The following CACNA1H variants were observed in gnomAD, a reference collection of about 807,000 sequenced individuals.
CACNA1H encodes calcium voltage-gated channel subunit alpha1 H.
Under a neutral mutation model 192.5 loss-of-function variants are expected in CACNA1H, and 149 were observed. That is an observed-to-expected ratio of 0.77 (90% confidence interval 0.68 to 0.89). CACNA1H has a LOEUF of 0.89. Ranked by LOEUF, CACNA1H falls within the 40% of genes least tolerant of loss-of-function variation. CACNA1H has a pLI of 0.00. For missense variants in CACNA1H, 4,257 were observed against 3,423.5 expected (o/e 1.24, Z -6.08); for synonymous variants, 2,202 against 1,475.2 (o/e 1.49, Z -11.29).
intron 25 of CACNA1H, 127 bp from the exon 26 acceptor site, chr16:1,212,384 A>C: frequency 9.2e-7 from 1 of 1,083,242 alleles, no homozygotes; most frequent in Non-Finnish European, 1.3e-6. Context: ...CAGGTTCCCC[A>C]CCGAGTCCTC....
At chr16:1,213,956 G>A (rs748463877) in intron 27 of CACNA1H, 25 bp downstream of exon 27, 12 of 1,593,250 alleles carry the variant, frequency 7.5e-6, no homozygotes, top group African/African-American at 1.3e-5. Context: ...GCCGCGAGGG[G>A]CCCAGGGGCT....
chr16:1,158,444 A>C (rs1030931138), intron 2 of CACNA1H, among the ~76,000 whole-genome samples: 1 of 151,548 alleles, frequency 6.6e-6, no homozygotes, highest in Non-Finnish European at 1.5e-5. Flanking sequence ...GCCCCCGGGG[A>C]TGATGGCAGG....
At chr16:1,202,585 C>G (rs1057042702) in intron 9 of CACNA1H, 133 bp downstream of exon 9, 28 of 825,860 alleles carry the variant, frequency 3.4e-5, no homozygotes, top group Non-Finnish European at 4.7e-5. Context: ...AACAGACCAG[C>G]TATGCCTCTG....
rs1968120749 is a variant in CACNA1H, at chr16:1,202,695, G to A, written c.2002+243G>A. 2.0e-5 allele frequency among the ~76,000 whole-genome samples: 3 copies of A among 152,182 alleles called. No individual in the cohort carries two copies. In the South Asian group the frequency reaches 6.2e-4, roughly 31 times the overall value. On this transcript the variant is annotated intron_variant, in intron 9 of 34. Coordinates refer to ENST00000348261, the MANE Select transcript of CACNA1H (RefSeq NM_021098.3). ...CATGGCAGGAGTGGTAGCCGCGGAG[G>A]TGGGATTTTGAATCTGACAAGGCTT...
In CACNA1H at chr16:1,220,385, C is replaced by T. The variant is rs1286510807; in HGVS notation, c.6453C>T (p.Asp2151=). 9 of 1,522,704 alleles carry T rather than the reference C, an allele frequency of 5.9e-6. No homozygotes were observed. The highest frequency in any genetic ancestry group is 4.7e-5 in the East Asian group (2 of 42,490). The allele number at this position is 1,522,704 out of a possible 1,614,324, so 94.3% of individuals were successfully genotyped here. The part of the protein sequence containing the change: ...QGFLDKPGRA[D]EQWRPSAELG... ...TCCTGGACAAGCCGGGCCGGGCAGA[C>T]GAGCAGTGGCGGCCCTCGGCGGAGC... The change falls in exon 35 of 35, where the codon GAC becomes GAT. Residue 2151 remains aspartate (D), a synonymous_variant. Coordinates refer to ENST00000348261, the MANE Select transcript of CACNA1H (RefSeq NM_021098.3).
chr16:1,199,954 C>G (rs143231674), intron 6 of CACNA1H, among the ~76,000 whole-genome samples: 2 of 149,984 alleles, frequency 1.3e-5, no homozygotes, highest in African/African-American at 4.8e-5. Context: ...GTTGATTTCT[C>G]TGTCCATCCC....
chr16:1,211,309 C>T lies in CACNA1H; in HGVS notation c.4350+15C>T, dbSNP rs745322715. ...TGGGTGTGCAGGTGTGTGGCCCCCA[C>T]GTGCCCGGGGGTCTGCCCCGTCGCA... is the stretch of plus-strand genomic sequence containing the variant. On this transcript the variant is annotated intron_variant, in intron 22 of 34. Coordinates refer to ENST00000348261, the MANE Select transcript of CACNA1H (RefSeq NM_021098.3). 1.4e-5 allele frequency: 22 copies of T among 1,612,726 alleles called. No individual in the cohort carries two copies. Among genetic ancestry groups the T allele is most frequent in the Admixed American group, 3.3e-5 (2 of 60,010 alleles).
At chr16:1,181,967 C>A (rs943985981) in intron 2 of CACNA1H, among the ~76,000 whole-genome samples, 1 of 152,234 alleles carries the variant, frequency 6.6e-6, no homozygotes. Flanking sequence ...CGCATGCCCC[C>A]TCGCACACGC....
Position 1,208,031 on chromosome 16 carries a change from T to C in CACNA1H, c.3173T>C (p.Leu1058Pro), listed in dbSNP as rs1369723667. The C allele has an allele frequency of 4.4e-6, 7 of 1,606,326 alleles. No individual in the cohort carries two copies. In the Admixed American group the frequency reaches 1.2e-4, roughly 27 times the overall value. The change falls in exon 16 of 35, where the codon CTG becomes CCG. Residue 1058 changes from leucine to proline, a missense_variant. Transcript: ENST00000348261. The stretch of plus-strand genomic sequence containing the variant: ...CCCGCAGAGCTGAAGATGTGTTCCC[T>C]GGCCGTGACCCCCAACGGGCACCTG... ...LQTTELKMCS[L>P]AVTPNGHLEG...
intron 27 of CACNA1H, among the ~76,000 whole-genome samples, chr16:1,214,413 C>T (rs564048207): frequency 2.8e-4 from 43 of 152,214 alleles, no homozygotes; most frequent in East Asian, 5.8e-4. Flanking sequence ...TGTGTGGAGC[C>T]GAGGATGGCC....
Position 1,208,077 on chromosome 16 carries a change from C to G in CACNA1H, c.3219C>G (p.Ser1073=). ...NGHLEGRGSL[S]PPLIMCTAAT... The stretch of plus-strand genomic sequence containing the variant: ...ACCTGGAGGGACGAGGCAGCCTGTC[C>G]CCTCCCCTCATCATGTGCACAGCTG... Residue 1073 remains serine, a synonymous_variant, in exon 16 of 35, where the codon TCC becomes TCG. Coordinates refer to ENST00000348261, the MANE Select transcript of CACNA1H (RefSeq NM_021098.3). The G allele has an allele frequency of 6.2e-7, 1 of 1,601,688 alleles. No individual in the cohort carries two copies. Among genetic ancestry groups the G allele is most frequent in the African/African-American group, 1.3e-5 (1 of 74,708 alleles).
intron 2 of CACNA1H, among the ~76,000 whole-genome samples, chr16:1,190,706 G>C (rs1596368639): frequency 6.6e-6 from 1 of 152,288 alleles, no homozygotes; most frequent in South Asian, 2.1e-4. Context: ...CAGGCACAGG[G>C]GTGGGGTCCT....
chr16:1,203,631 A>G (rs376702583), intron 9 of CACNA1H, among the ~76,000 whole-genome samples: 6 of 152,154 alleles, frequency 3.9e-5, no homozygotes, highest in Admixed American at 6.5e-5. Context: ...CAGGCCTTGC[A>G]GGGTTGCTTC....
chr16:1,165,150 C>T (rs985128839), intron 2 of CACNA1H, among the ~76,000 whole-genome samples: 2 of 151,944 alleles, frequency 1.3e-5, no homozygotes, highest in African/African-American at 2.4e-5. Flanking sequence ...GGTGGGGGTG[C>T]GGCAGGCACC....
In CACNA1H at chr16:1,219,251, C is replaced by T. The variant is rs1161889027; in HGVS notation, c.6048+121C>T. On this transcript the variant is annotated intron_variant, in intron 34 of 34. Coordinates refer to ENST00000348261, the MANE Select transcript of CACNA1H (RefSeq NM_021098.3). The stretch of plus-strand genomic sequence containing the variant: ...GGCAGGAGGAGGGTCGCACTGGGTC[C>T]TTGGGGCTCCGAAGGTTTCTGCCTG... 1.6e-5 allele frequency: 16 copies of T among 983,432 alleles called. No individual in the cohort carries two copies. In the African/African-American group the frequency reaches 2.3e-4, roughly 14 times the overall value. The allele number at this position is 983,432 out of a possible 1,614,324, so 60.9% of individuals were successfully genotyped here.
chr16:1,193,232 C>T (rs1446305217), intron 2 of CACNA1H, among the ~76,000 whole-genome samples: 2 of 152,250 alleles, frequency 1.3e-5, no homozygotes, highest in South Asian at 2.1e-4. Flanking sequence ...CAAAGACAGT[C>T]CCCAGCCACC....
chr16:1,219,212 G>C, intron 34 of CACNA1H, 82 bp downstream of exon 34: 1 of 1,345,438 alleles, frequency 7.4e-7, no homozygotes, highest in Non-Finnish European at 9.9e-7. Context: ...TGAAGGACCA[G>C]CAGACGAGGA....
In CACNA1H at chr16:1,198,534, CGGG is replaced by C. The variant is rs963218120; in HGVS notation, c.644-78_644-76del. On this transcript the variant is annotated intron_variant, in intron 5 of 34. Transcript: ENST00000348261. ...CCCACTGTGAACAGTGGACGGGGCT[CGGG>C]GGTCCCGGGAGGGGCTGCAGCCCCG... 4 of 1,505,888 alleles carry C rather than the reference CGGG, an allele frequency of 2.7e-6. No individual in the cohort carries two copies. In the African/African-American group the frequency reaches 5.5e-5, roughly 21 times the overall value. 93.3% of individuals were successfully genotyped at this position (1,505,888 alleles called of 1,614,324 possible). A position where few individuals can be genotyped will look rare whatever the true frequency, so the allele number is the denominator to read the frequency against.
intron 2 of CACNA1H, among the ~76,000 whole-genome samples, chr16:1,170,021 G>T (rs550217270): frequency 6.6e-6 from 1 of 152,232 alleles, no homozygotes; most frequent in African/African-American, 2.4e-5. Flanking sequence ...CAGGGCTCAA[G>T]TCCCGGTGGG....
Sources: allele counts gnomAD v4.1 joint callset (sites outside exome capture counted in the v4.1 genomes callset), GRCh38; gene constraint gnomAD v4.1.1; transcripts MANE v1.5; gene names NCBI Gene and HGNC (gene_info 2026-07-23, HGNC 2026-07-21).